The following JAKMIP2 variants were observed in gnomAD, a reference collection of about 807,000 sequenced individuals.
The protein encoded by JAKMIP2 is janus kinase and microtubule-interacting protein 2.
A neutral mutation model predicts 115.0 loss-of-function variants in JAKMIP2; 25 were observed. The ratio of observed to expected loss-of-function variants is 0.22; its 90% confidence interval spans 0.16 to 0.30. The LOEUF is 0.30. JAKMIP2 is among the 10% of genes least tolerant of loss of function. JAKMIP2 has a pLI of 1.00. For missense variants in JAKMIP2, 642 were observed against 957.6 expected (o/e 0.67, Z 4.35); for synonymous variants, 334 against 343.6 (o/e 0.97, Z 0.31).
At chr5:147,762,793 G>A (rs1754975235) in intron 1 of JAKMIP2, among the ~76,000 whole-genome samples, 1 of 152,046 alleles carries the variant, frequency 6.6e-6, no homozygotes, top group African/African-American at 2.4e-5. Flanking sequence ...TAGATCATTT[G>A]ATGATAAATT....
rs1033190073 is a variant in JAKMIP2, at chr5:147,748,346, A to G, written c.-149+34110T>C. 2.6e-5 allele frequency among the ~76,000 whole-genome samples: 4 copies of G among 152,262 alleles called. No individual in the cohort carries two copies. In the East Asian group the frequency reaches 5.8e-4, roughly 22 times the overall value. ...TATAAATACCTGATGCTGTTATTAT[A>G]GTACCTCACAATATGCTACAAGGTA... is the stretch of plus-strand genomic sequence containing the variant. On this transcript the variant is annotated intron_variant, in intron 1 of 21. Coordinates refer to ENST00000616793, the MANE Select transcript of JAKMIP2 (RefSeq NM_001270941.2).
intron 2 of JAKMIP2, among the ~76,000 whole-genome samples, chr5:147,662,967 C>T (rs1451739497): frequency 2.7e-5 from 4 of 150,146 alleles, no homozygotes; most frequent in Non-Finnish European, 4.4e-5. Flanking sequence ...GCCTGGGAGA[C>T]AGAGTGAGAT....
At chr5:147,683,348 G>A (rs35912853) in intron 1 of JAKMIP2, among the ~76,000 whole-genome samples, 4,116 of 152,080 alleles carry the variant, frequency 0.027, 80 homozygotes, top group Non-Finnish European at 0.042. Flanking sequence ...AAAAATTAGC[G>A]GGGCGTGGTG....
chr5:147,677,759 T>C (rs547934521), intron 1 of JAKMIP2, among the ~76,000 whole-genome samples: 4 of 152,326 alleles, frequency 2.6e-5, no homozygotes, highest in Admixed American at 2.0e-4. Context: ...TTGAAATATG[T>C]ATAATTGTGG....
intron 1 of JAKMIP2, among the ~76,000 whole-genome samples, chr5:147,764,981 A>G (rs1351786293): frequency 6.1e-5 from 7 of 115,146 alleles, no homozygotes; most frequent in Non-Finnish European, 9.1e-5. Flanking sequence ...AGAGAGAGAG[A>G]GAGAGAGAGG....
rs1299854537 is a variant in JAKMIP2 at position 147,591,129 on chromosome 5, G to C, written c.*578C>G. On this transcript the variant is annotated 3_prime_UTR_variant, in exon 22 of 22. Coordinates refer to ENST00000616793, the MANE Select transcript of JAKMIP2 (RefSeq NM_001270941.2). ...CATAAAGACAGAAAAGCAAATCCCTGTAGTAAGAAACCAGACTTTTCAAAT... is the reference window on the plus strand; with the variant it reads ...CATAAAGACAGAAAAGCAAATCCCTCTAGTAAGAAACCAGACTTTTCAAAT... 1 of 152,814 alleles carries C rather than the reference G, an allele frequency of 6.5e-6. No homozygotes were observed. The highest frequency in any genetic ancestry group is 6.5e-5 in the Admixed American group (1 of 15,282). The allele number at this position is 152,814 out of a possible 1,614,324, so 9.5% of individuals were successfully genotyped here.
chr5:147,623,515 T>G lies in JAKMIP2; in HGVS notation c.2064+106A>C, dbSNP rs1333701153. On this transcript the variant is annotated intron_variant, in intron 17 of 21. Transcript: ENST00000616793. Reference sequence around the variant, plus strand: ...TGTACATAAAATAATAATGGAAAGATGACAAACTTTCATCAGTGCCAGATA... The same window carrying G: ...TGTACATAAAATAATAATGGAAAGAGGACAAACTTTCATCAGTGCCAGATA... The G allele has an allele frequency of 1.7e-5, 11 of 640,112 alleles. No homozygotes were observed. In the Admixed American group the frequency reaches 3.0e-4, roughly 18 times the overall value. 39.7% of individuals were successfully genotyped at this position (640,112 alleles called of 1,614,324 possible).
intron 1 of JAKMIP2, among the ~76,000 whole-genome samples, chr5:147,698,721 T>C (rs967352438): frequency 2.0e-5 from 3 of 152,214 alleles, no homozygotes; most frequent in Non-Finnish European, 2.9e-5. Flanking sequence ...CTGCCATGAT[T>C]GTACGTTTCC....
At chr5:147,770,158 AT>A (rs1253410684) in intron 1 of JAKMIP2, among the ~76,000 whole-genome samples, 1 of 151,636 alleles carries the variant, frequency 6.6e-6, no homozygotes, top group African/African-American at 2.4e-5. Context: ...AATCTTACAT[AT>A]TTTTTCTATA....
chr5:147,671,912 G>A lies in JAKMIP2; in HGVS notation c.-106C>T. On this transcript the variant is annotated 5_prime_UTR_variant, in exon 2 of 22. Transcript: ENST00000616793. ...TACGATGTCTCAGCATCTACTGTGT[G>A]GTGCTCCTTGGTAAGGTCTCCTCAA... 1 of 1,365,656 alleles carries A rather than the reference G, an allele frequency of 7.3e-7. No homozygotes were observed. The highest frequency in any genetic ancestry group is 9.5e-7 in the Non-Finnish European group (1 of 1,050,846). The allele number at this position is 1,365,656 out of a possible 1,614,324, so 84.6% of individuals were successfully genotyped here.
At chr5:147,722,156 T>G (rs1009219425) in intron 1 of JAKMIP2, among the ~76,000 whole-genome samples, 2 of 152,174 alleles carry the variant, frequency 1.3e-5, no homozygotes, top group Non-Finnish European at 2.9e-5. Flanking sequence ...TTTTAAAAAA[T>G]CAACCGATTG....
At position 147,715,988 on chromosome 5, in the gene JAKMIP2, TC is replaced by T. The variant is rs1474375219; in HGVS notation, c.-148-44035del. 8.7e-5 allele frequency among the ~76,000 whole-genome samples: 8 copies of T among 92,422 alleles called. No homozygotes were observed. The East Asian group carries it at 3.2e-3, about 37-fold the overall frequency. 60.6% of individuals were successfully genotyped at this position (92,422 alleles called of 152,430 possible). A position where few individuals can be genotyped will look rare whatever the true frequency, so the allele number is the denominator to read the frequency against. On this transcript the variant is annotated intron_variant, in intron 1 of 21. Coordinates refer to ENST00000616793, the MANE Select transcript of JAKMIP2 (RefSeq NM_001270941.2). ...TAGGTATATCTCCCAATGCTATCCC[TC>T]CCCCCTCCCCCCACCCCACAACAGT...
rs1348255403 is a variant in JAKMIP2, at chr5:147,587,604, T to C, written c.*4103A>G. ...AACCAATGAATATTCTTTTTACAGT[T>C]TCTACAAAAACCTAGGCAGGTTAAA... On this transcript the variant is annotated 3_prime_UTR_variant, in exon 22 of 22. Transcript: ENST00000616793. 1 of 152,166 alleles carries C rather than the reference T, an allele frequency of 6.6e-6. No homozygotes were observed. Among genetic ancestry groups the C allele is most frequent in the Admixed American group, 6.5e-5 (1 of 15,274 alleles). 9.4% of individuals were successfully genotyped at this position (152,166 alleles called of 1,614,324 possible). A position where few individuals can be genotyped will look rare whatever the true frequency, so the allele number is the denominator to read the frequency against.
intron 1 of JAKMIP2, among the ~76,000 whole-genome samples, chr5:147,748,656 A>G (rs1411477109): frequency 1.3e-5 from 2 of 152,184 alleles, no homozygotes; most frequent in Non-Finnish European, 2.9e-5. Context: ...CACCACATGT[A>G]CAATAAAGAA....
At position 147,618,081 on chromosome 5, in the gene JAKMIP2, C is replaced by T. The variant is rs972864899; in HGVS notation, c.2176G>A (p.Ala726Thr). The T allele has an allele frequency of 2.7e-5, 43 of 1,614,048 alleles. No homozygotes were observed. The highest frequency in any genetic ancestry group is 1.7e-4 in the Middle Eastern group (1 of 6,058). The change falls in exon 19 of 22, where the codon GCT becomes ACT. Residue 726 changes from alanine (A) to threonine (T), a missense_variant. Transcript: ENST00000616793. ...TTGATAACAGTTTCTTGCTGTAGAG[C>T]ATTGTACAAAGTAGCTTCTAGTTCC... is the stretch of plus-strand genomic sequence containing the variant. ...IQELEATLYN[A>T]LQQETVIKFG...
At position 147,586,345 on chromosome 5, in the gene JAKMIP2, T is replaced by C. The variant is rs1414035414; in HGVS notation, c.*5362A>G. ...AATGTTTGGATTTTGATCTGCCTCA[T>C]TGTGGGAAGTTGCTATGGTTAATGG... On this transcript the variant is annotated 3_prime_UTR_variant, in exon 22 of 22. Coordinates refer to ENST00000616793, the MANE Select transcript of JAKMIP2 (RefSeq NM_001270941.2). 2.0e-5 allele frequency: 3 copies of C among 152,182 alleles called. No individual in the cohort carries two copies. The highest frequency in any genetic ancestry group is 6.5e-5 in the Admixed American group (1 of 15,274). 9.4% of individuals were successfully genotyped at this position (152,182 alleles called of 1,614,324 possible). A position where few individuals can be genotyped will look rare whatever the true frequency, so the allele number is the denominator to read the frequency against.
intron 1 of JAKMIP2, among the ~76,000 whole-genome samples, chr5:147,685,512 T>C (rs1760523982): frequency 6.6e-6 from 1 of 152,186 alleles, no homozygotes. Context: ...CAGTGCATAA[T>C]AACATGGCTA....
At position 147,623,601 on chromosome 5, in the gene JAKMIP2, A is replaced by G; in HGVS notation, c.2064+20T>C. On this transcript the variant is annotated intron_variant, in intron 17 of 21. Transcript: ENST00000616793. ...TTGTAAGTTTTTCTTAATTTTTACA[A>G]TATCTCATCTTGTACTTACCATGTC... 1.3e-6 allele frequency: 2 copies of G among 1,530,106 alleles called. No homozygotes were observed. Among genetic ancestry groups the G allele is most frequent in the Non-Finnish European group, 9.0e-7 (1 of 1,105,532 alleles). The allele number at this position is 1,530,106 out of a possible 1,614,324, so 94.8% of individuals were successfully genotyped here. A position where few individuals can be genotyped will look rare whatever the true frequency, so the allele number is the denominator to read the frequency against.
intron 1 of JAKMIP2, among the ~76,000 whole-genome samples, chr5:147,746,178 A>C (rs1754341004): frequency 6.6e-6 from 1 of 152,152 alleles, no homozygotes; most frequent in Admixed American, 6.6e-5. Context: ...CAGCCAGAGG[A>C]AATAGGTATA....
Sources: allele counts gnomAD v4.1 joint callset (sites outside exome capture counted in the v4.1 genomes callset), GRCh38; gene constraint gnomAD v4.1.1; transcripts MANE v1.5; gene names NCBI Gene and HGNC (gene_info 2026-07-23, HGNC 2026-07-21).